DBNL: variants seen among roughly 807,000 people sequenced by gnomAD.
The protein encoded by DBNL is drebrin-like protein.
Under a neutral mutation model 62.2 loss-of-function variants are expected in DBNL, and 35 were observed. That is an observed-to-expected ratio of 0.56 (90% CI 0.43 to 0.75). The LOEUF (loss-of-function observed/expected upper bound fraction) is 0.75. DBNL is among the 30% of genes least tolerant of loss of function. The pLI is 0.00. For missense variants in DBNL, 495 were observed against 578.4 expected (o/e 0.86, Z 1.48); for synonymous variants, 197 against 218.0 (o/e 0.90, Z 0.85).
intron 3 of DBNL, among the ~76,000 whole-genome samples, chr7:44,052,484 C>T (rs2096128304): frequency 6.6e-6 from 1 of 152,016 alleles, no homozygotes; most frequent in South Asian, 2.1e-4. Flanking sequence ...GCAGCGTGCA[C>T]CTGTAGTCCC....
rs199569640 is a variant in DBNL, at chr7:44,058,205, G to A, written c.629G>A (p.Arg210Gln). The A allele has an allele frequency of 2.2e-5, 35 of 1,563,868 alleles. No individual in the cohort carries two copies. Among genetic ancestry groups the A allele is most frequent in the East Asian group, 4.7e-5 (2 of 42,422 alleles). Residue 210 changes from arginine (R) to glutamine (Q), a missense_variant, in exon 7 of 13, where the codon CGG (arginine) becomes CAG (glutamine). By Grantham distance (43) the Arg-to-Gln change is conservative. Transcript: ENST00000448521. Reference sequence around the variant, plus strand: ...CAGCGGCAGCTGGAGCAGGAGCGCCGGGAGCGTGAGCTGCGTGAGGCTGCA... The same window carrying A: ...CAGCGGCAGCTGGAGCAGGAGCGCCAGGAGCGTGAGCTGCGTGAGGCTGCA... ...EAQRQLEQERRERELREAARR... is the reference protein window; with the variant it reads ...EAQRQLEQERQERELREAARR...
At position 44,069,086 on chromosome 7, in the gene DBNL, C is replaced by T. The variant is rs2096164580; in HGVS notation, c.*8170C>T. The T allele has an allele frequency of 7.0e-6, 1 of 143,022 alleles. No homozygotes were observed. Among genetic ancestry groups the T allele is most frequent in the Admixed American group, 7.0e-5 (1 of 14,190 alleles). The allele number at this position is 143,022 out of a possible 1,614,324, so 8.9% of individuals were successfully genotyped here. On this transcript the variant is annotated 3_prime_UTR_variant, in exon 13 of 13. Transcript: ENST00000448521. Reference sequence around the variant, plus strand: ...TAAAAGAATGAAATAAAGACATTCTCAAATGAAGGCAAGCTGAGGAAATTC... The same window carrying T: ...TAAAAGAATGAAATAAAGACATTCTTAAATGAAGGCAAGCTGAGGAAATTC...
rs6956492 is a variant in DBNL at position 44,064,620 on chromosome 7, A to G, written c.*3704A>G. 0.25 allele frequency: 147,762 copies of G among 591,318 alleles called. 20,137 individuals carry two copies. Among genetic ancestry groups the G allele is most frequent in the African/African-American group, 0.42 (22,781 of 53,866 alleles). 36.6% of individuals were successfully genotyped at this position (591,318 alleles called of 1,614,324 possible). ...TCGGGACACAGCGAGCTTCGAGTGC[A>G]GTCAGCCCCTGTGGAGTGTGTCCCA... is the stretch of plus-strand genomic sequence containing the variant. On this transcript the variant is annotated 3_prime_UTR_variant, in exon 13 of 13. Coordinates refer to ENST00000448521, the MANE Select transcript of DBNL (RefSeq NM_001014436.3).
At position 44,062,949 on chromosome 7, in the gene DBNL, G is replaced by A; in HGVS notation, c.*2033G>A. 1 of 1,613,980 alleles carries A rather than the reference G, an allele frequency of 6.2e-7. No homozygotes were observed. Among genetic ancestry groups the A allele is most frequent in the East Asian group, 2.2e-5 (1 of 44,890 alleles). On this transcript the variant is annotated 3_prime_UTR_variant, in exon 13 of 13. Transcript: ENST00000448521. Reference sequence around the variant, plus strand: ...GACATCCCTATGCCGGAAGGAATAGGTGTCCTTAGCCCCTCTGTCCCCAGC... The same window carrying A: ...GACATCCCTATGCCGGAAGGAATAGATGTCCTTAGCCCCTCTGTCCCCAGC...
chr7:44,055,815 T>G (rs908720098), intron 4 of DBNL, among the ~76,000 whole-genome samples: 5 of 152,266 alleles, frequency 3.3e-5, no homozygotes, highest in Non-Finnish European at 5.9e-5. Flanking sequence ...CACTAATTCC[T>G]TGTCAGATGG....
chr7:44,054,741 T>A (rs951130774), intron 4 of DBNL, among the ~76,000 whole-genome samples: 1 of 152,228 alleles, frequency 6.6e-6, no homozygotes, highest in Non-Finnish European at 1.5e-5. Context: ...TTCCTTCTAT[T>A]TAACTGTACT....
rs1442257628 is a variant in DBNL at position 44,061,230 on chromosome 7, C to T, written c.*314C>T. Reference sequence around the variant, plus strand: ...CCACTGCCAAGCTGCGGGGAAGGGTCCTGAGCAGGGGCATCTGGGAGGCTC... The same window carrying T: ...CCACTGCCAAGCTGCGGGGAAGGGTTCTGAGCAGGGGCATCTGGGAGGCTC... On this transcript the variant is annotated 3_prime_UTR_variant, in exon 13 of 13. Transcript: ENST00000448521. 2.8e-6 allele frequency: 1 copy of T among 362,768 alleles called. No homozygotes were observed. The highest frequency in any genetic ancestry group is 5.1e-6 in the Non-Finnish European group (1 of 197,142). The allele number at this position is 362,768 out of a possible 1,614,324, so 22.5% of individuals were successfully genotyped here.
At chr7:44,054,164 T>C (rs1382572821) in intron 4 of DBNL, among the ~76,000 whole-genome samples, 1 of 152,140 alleles carries the variant, frequency 6.6e-6, no homozygotes, top group Admixed American at 6.6e-5. Context: ...GGCATTCTTT[T>C]ATCAGAGTTT....
chr7:44,059,957 TAC>T lies in DBNL; in HGVS notation c.1048-90_1048-89del. ...GCCTGTAGACTGCTTGCCCTCTGCG[TAC>T]TCCCAGCTTGACCTGAGCCATGTGG... On this transcript the variant is annotated intron_variant, in intron 11 of 12. Transcript: ENST00000448521. The surrounding 1 kb of genome is among the most constrained non-coding windows in gnomAD (Gnocchi z 4.1). The T allele has an allele frequency of 2.3e-6, 3 of 1,318,530 alleles. No homozygotes were observed. The highest frequency in any genetic ancestry group is 3.2e-6 in the Non-Finnish European group (3 of 939,872). 81.7% of individuals were successfully genotyped at this position (1,318,530 alleles called of 1,614,324 possible). A position where few individuals can be genotyped will look rare whatever the true frequency, so the allele number is the denominator to read the frequency against.
chr7:44,055,268 C>T lies in DBNL; in HGVS notation c.328-1489C>T, dbSNP rs371047131. On this transcript the variant is annotated intron_variant, in intron 4 of 12. Coordinates refer to ENST00000448521, the MANE Select transcript of DBNL (RefSeq NM_001014436.3). ...ATTACCTGAGGTCAGGAGTTCAAGACCAGCCTGGCCAACATGGTGAAACCC... is the reference window on the plus strand; with the variant it reads ...ATTACCTGAGGTCAGGAGTTCAAGATCAGCCTGGCCAACATGGTGAAACCC... 2.6e-4 allele frequency among the ~76,000 whole-genome samples: 40 copies of T among 152,326 alleles called. 1 individual carries two copies. In the South Asian group the frequency reaches 8.1e-3, roughly 31 times the overall value.
In DBNL at chr7:44,063,062, G is replaced by T; in HGVS notation, c.*2146G>T. 14 of 972,270 alleles carry T rather than the reference G, an allele frequency of 1.4e-5. No homozygotes were observed. The highest frequency in any genetic ancestry group is 2.3e-5 in the Non-Finnish European group (14 of 616,274). The allele number at this position is 972,270 out of a possible 1,614,324, so 60.2% of individuals were successfully genotyped here. On this transcript the variant is annotated 3_prime_UTR_variant, in exon 13 of 13. Coordinates refer to ENST00000448521, the MANE Select transcript of DBNL (RefSeq NM_001014436.3). ...ATTCCTTCCCAGCCCTGAGAACGAG[G>T]CCACAGAAATGTTGCCAAAGGTCAA...
chr7:44,057,369 G>C (rs1490692622), intron 5 of DBNL, among the ~76,000 whole-genome samples: 2 of 152,114 alleles, frequency 1.3e-5, no homozygotes, highest in Admixed American at 1.3e-4. Context: ...AGCTGCGTCC[G>C]CATGCGTGTG....
chr7:44,057,881 G>A (rs780811051), intron 6 of DBNL, 22 bp downstream of exon 6: 2 of 1,614,014 alleles, frequency 1.2e-6, no homozygotes, highest in Non-Finnish European at 1.7e-6. Flanking sequence ...CCCGGGGCAT[G>A]CTGGGCACGT....
rs745845135 is a variant in DBNL, at chr7:44,051,983, C to T, written c.252+41C>T. 7.0e-6 allele frequency: 11 copies of T among 1,574,274 alleles called. No homozygotes were observed. In the African/African-American group the frequency reaches 1.4e-4, roughly 19 times the overall value. On this transcript the variant is annotated intron_variant, in intron 3 of 12. Transcript: ENST00000448521. ...TTCATCTAGGTGTGACCCAGGAAACCCCATTGTCTTCTTTCCTGTTTTGAC... is the reference window on the plus strand; with the variant it reads ...TTCATCTAGGTGTGACCCAGGAAACTCCATTGTCTTCTTTCCTGTTTTGAC...
chr7:44,045,006 T>A (rs2096114384), intron 1 of DBNL, 186 bp downstream of exon 1: 2 of 517,842 alleles, frequency 3.9e-6, no homozygotes, highest in Middle Eastern at 5.4e-4. Flanking sequence ...TCGTGACCCC[T>A]TGCCCCGCCG....
chr7:44,064,800 C>T lies in DBNL; in HGVS notation c.*3884C>T, dbSNP rs1340829444. On this transcript the variant is annotated 3_prime_UTR_variant, in exon 13 of 13. Coordinates refer to ENST00000448521, the MANE Select transcript of DBNL (RefSeq NM_001014436.3). The stretch of plus-strand genomic sequence containing the variant: ...AAGCCAGCTGGGGCTGCTGCCCACC[C>T]ACCCTGCCCAGGCTCCTGAAGGTGG... 1 of 1,231,532 alleles carries T rather than the reference C, an allele frequency of 8.1e-7. No individual in the cohort carries two copies. The highest frequency in any genetic ancestry group is 1.2e-6 in the Non-Finnish European group (1 of 857,342). 76.3% of individuals were successfully genotyped at this position (1,231,532 alleles called of 1,614,324 possible).
chr7:44,064,799 C>CCCCGCGCCAGAAAGTGGGCG lies in DBNL; in HGVS notation c.*3884_*3885insCCGCGCCAGAAAGTGGGCGC. On this transcript the variant is annotated 3_prime_UTR_variant, in exon 13 of 13. Coordinates refer to ENST00000448521, the MANE Select transcript of DBNL (RefSeq NM_001014436.3). ...GAAGCCAGCTGGGGCTGCTGCCCACCCACCCTGCCCAGGCTCCTGAAGGTG... is the reference window on the plus strand; with the variant it reads ...GAAGCCAGCTGGGGCTGCTGCCCACCCCCGCGCCAGAAAGTGGGCGCACCCTGCCCAGGCTCCTGAAGGTG... The CCCCGCGCCAGAAAGTGGGCG allele has an allele frequency of 8.2e-7, 1 of 1,212,908 alleles. No individual in the cohort carries two copies. The highest frequency in any genetic ancestry group is 1.2e-6 in the Non-Finnish European group (1 of 841,502). The allele number at this position is 1,212,908 out of a possible 1,614,324, so 75.1% of individuals were successfully genotyped here.
intron 6 of DBNL, 112 bp downstream of exon 6, chr7:44,057,971 A>G: frequency 2.6e-6 from 4 of 1,538,848 alleles, no homozygotes; most frequent in Non-Finnish European, 3.5e-6. Context: ...TGCCCATTAC[A>G]GATGGTCACA....
chr7:44,058,847 GGA>G (rs765659767), intron 8 of DBNL, 53 bp from the exon 9 acceptor site: 2 of 1,606,976 alleles, frequency 1.2e-6, no homozygotes, highest in East Asian at 4.5e-5. Flanking sequence ...TGTGATCTGG[GGA>G]GAGGTGGTGA....
Sources: gnomAD v4.1 joint callset for allele counts (sites outside exome capture counted in the v4.1 genomes callset) on GRCh38, gnomAD v4.1.1 for gene constraint, Gnocchi (gnomAD v3.1) non-coding constraint, MANE v1.5 for transcripts, NCBI Gene and HGNC (gene_info 2026-07-23, HGNC 2026-07-21) for gene names.